Variants in WDR45B observed in about 807,000 individuals in gnomAD.
WDR45B encodes WD repeat domain phosphoinositide-interacting protein 3.
In WDR45B, 20 loss-of-function variants were observed where a neutral mutation model predicts 44.6. The ratio of observed to expected loss-of-function variants is 0.45; its 90% confidence interval spans 0.32 to 0.65. The LOEUF (loss-of-function observed/expected upper bound fraction) is 0.65. WDR45B is among the 30% of genes least tolerant of loss of function. The pLI is 0.05. For missense variants in WDR45B, 323 were observed against 430.2 expected (o/e 0.75, Z 2.20); for synonymous variants, 169 against 164.9 (o/e 1.02, Z -0.19).
rs367572675 is a variant in WDR45B at position 82,617,302 on chromosome 17, T to C, written c.800A>G (p.Gln267Arg). 39 of 1,613,036 alleles carry C rather than the reference T, an allele frequency of 2.4e-5. No individual in the cohort carries two copies. Among genetic ancestry groups the C allele is most frequent in the Non-Finnish European group, 3.1e-5 (37 of 1,179,996 alleles). ...CAGGCATCCTAACACCTACCTGGAC[T>C]GTTTATTCCTTTTTGGATCTTCAGC... ...FAAEDPKRNKQSSLASASFLP... is the reference protein window; with the variant it reads ...FAAEDPKRNKRSSLASASFLP... The change falls in exon 8 of 10, where the codon CAG (glutamine) becomes CGG (arginine). Residue 267 changes from glutamine to arginine, a missense_variant. Transcript: ENST00000392325.
chr17:82,641,122 C>T (rs1033209362), intron 2 of WDR45B, among the ~76,000 whole-genome samples: 1 of 151,938 alleles, frequency 6.6e-6, no homozygotes, highest in Non-Finnish European at 1.5e-5. Context: ...TGCGCCACCA[C>T]GCCTGGCTAA....
chr17:82,616,679 G>C, intron 8 of WDR45B, 34 bp from the exon 9 acceptor site: 2 of 1,613,574 alleles, frequency 1.2e-6, no homozygotes, highest in Non-Finnish European at 1.7e-6. Context: ...GTGGTTCAAA[G>C]TTTACAGGAA....
chr17:82,648,194 C>A (rs1035916370), intron 1 of WDR45B, 80 bp downstream of exon 1: 25 of 1,501,382 alleles, frequency 1.7e-5, no homozygotes, highest in Admixed American at 1.9e-5. Flanking sequence ...AAAGGGGCGC[C>A]CAGGAGAGGC....
intron 2 of WDR45B, among the ~76,000 whole-genome samples, chr17:82,639,832 G>C (rs1229989585): frequency 6.8e-6 from 1 of 146,150 alleles, no homozygotes; most frequent in East Asian, 2.0e-4. Context: ...GGTCGGGAGG[G>C]CTGCCGGGCT....
rs544700254 is a variant in WDR45B, at chr17:82,641,887, GACA to G, written c.142+2059_142+2061del. 1.1e-4 allele frequency among the ~76,000 whole-genome samples: 16 copies of G among 151,530 alleles called. 1 individual carries two copies. The highest frequency in any genetic ancestry group is 3.9e-4 in the African/African-American group (16 of 41,226). ...CACTCCAGCCTGGGCAACAGAGCGAGACAACGTCAGAGATAGATATGTATATAT... is the reference window on the plus strand; with the variant it reads ...CACTCCAGCCTGGGCAACAGAGCGAGACGTCAGAGATAGATATGTATATAT... On this transcript the variant is annotated intron_variant, in intron 2 of 9. Transcript: ENST00000392325.
intron 6 of WDR45B, among the ~76,000 whole-genome samples, chr17:82,621,196 G>C (rs2045610892): frequency 6.6e-6 from 1 of 152,034 alleles, no homozygotes; most frequent in Admixed American, 6.6e-5. Flanking sequence ...TGGGATTACA[G>C]GTACACACCA....
At chr17:82,620,580 A>G (rs2045601062) in intron 6 of WDR45B, among the ~76,000 whole-genome samples, 1 of 152,266 alleles carries the variant, frequency 6.6e-6, no homozygotes, top group African/African-American at 2.4e-5. Context: ...GTGAAAGGGT[A>G]GGAGCAGGGC....
intron 2 of WDR45B, chr17:82,636,541 TC>T (rs1201042258): frequency 6.6e-6 from 1 of 151,860 alleles, no homozygotes; most frequent in African/African-American, 2.4e-5. Flanking sequence ...GGAAAGGGTC[TC>T]CCCACAGAAA....
At chr17:82,629,479 G>T in intron 3 of WDR45B, 3 of 984,866 alleles carry the variant, frequency 3.0e-6, no homozygotes, top group Non-Finnish European at 3.6e-6. Flanking sequence ...TGCCCCTCTG[G>T]GCTATGCTAG....
chr17:82,626,533 CAAAAAA>C (rs562186058), intron 4 of WDR45B, among the ~76,000 whole-genome samples: 3 of 79,462 alleles, frequency 3.8e-5, no homozygotes, highest in Non-Finnish European at 4.2e-5. Flanking sequence ...CTCTATCTCC[CAAAAAA>C]AAAAAAAAAA....
chr17:82,630,457 G>C (rs1004798035), intron 3 of WDR45B, among the ~76,000 whole-genome samples: 1 of 152,062 alleles, frequency 6.6e-6, no homozygotes, highest in Non-Finnish European at 1.5e-5. Context: ...CTACTTAAAA[G>C]GGCCAGAGCT....
intron 1 of WDR45B, among the ~76,000 whole-genome samples, chr17:82,645,147 A>T (rs2045959952): frequency 6.6e-6 from 1 of 152,028 alleles, no homozygotes; most frequent in Non-Finnish European, 1.5e-5. Context: ...AATACCAAAA[A>T]ATTAGCCAGT....
Position 82,616,426 on chromosome 17 carries a change from G to A in WDR45B, c.928+98C>T, listed in dbSNP as rs115911605. The stretch of plus-strand genomic sequence containing the variant: ...ACTGGGCGGCCATCGGTGCCACAGC[G>A]CGGTGCTGGGACGTCCATGGGAAGT... On this transcript the variant is annotated intron_variant, in intron 9 of 9. Coordinates refer to ENST00000392325, the MANE Select transcript of WDR45B (RefSeq NM_019613.4). The A allele has an allele frequency of 3.1e-4, 492 of 1,590,958 alleles. 1 individual carries two copies. In the African/African-American group the frequency reaches 4.7e-3, roughly 15 times the overall value.
At chr17:82,630,767 G>T (rs1198721256) in intron 3 of WDR45B, among the ~76,000 whole-genome samples, 154 bp downstream of exon 3, 1 of 152,150 alleles carries the variant, frequency 6.6e-6, no homozygotes, top group Non-Finnish European at 1.5e-5. Context: ...TAGAGACCTG[G>T]TGCCCTCTTC....
intron 7 of WDR45B, among the ~76,000 whole-genome samples, chr17:82,618,280 C>T (rs1181449640): frequency 6.6e-6 from 1 of 152,168 alleles, no homozygotes; most frequent in Non-Finnish European, 1.5e-5. Context: ...CAATACTAGC[C>T]AAGGGGGAGG....
intron 9 of WDR45B, 44 bp downstream of exon 9, chr17:82,616,480 A>AGGT: frequency 6.2e-7 from 1 of 1,612,322 alleles, no homozygotes; most frequent in Non-Finnish European, 8.5e-7. Context: ...GATGGAGCCC[A>AGGT]GGTGGGGCGG....
At chr17:82,634,172 A>AAAAAAC in intron 2 of WDR45B, among the ~76,000 whole-genome samples, 1 of 148,282 alleles carries the variant, frequency 6.7e-6, no homozygotes, top group Non-Finnish European at 1.5e-5. Context: ...AAAAAAAAAA[A>AAAAAAC]AAGGCTGATT....
chr17:82,629,236 G>A (rs1348288034), intron 3 of WDR45B, among the ~76,000 whole-genome samples: 2 of 152,190 alleles, frequency 1.3e-5, no homozygotes, highest in Admixed American at 6.5e-5. Flanking sequence ...GTAGGGCAAG[G>A]GAGGCGGCCC....
intron 1 of WDR45B, among the ~76,000 whole-genome samples, chr17:82,645,947 C>T (rs1598282631): frequency 6.6e-6 from 1 of 151,544 alleles, no homozygotes; most frequent in South Asian, 2.1e-4. Flanking sequence ...ACGGTGAAAC[C>T]CCATCTCTAT....
Sources: allele counts gnomAD v4.1 joint callset (sites outside exome capture counted in the v4.1 genomes callset), GRCh38; gene constraint gnomAD v4.1.1; transcripts MANE v1.5; gene names NCBI Gene and HGNC (gene_info 2026-07-23, HGNC 2026-07-21).